The following SGTA variants were observed in gnomAD, a reference collection of about 807,000 sequenced individuals.
The protein encoded by SGTA is small glutamine-rich tetratricopeptide repeat-containing protein alpha.
In SGTA, 22 loss-of-function variants were observed where a neutral mutation model predicts 44.3. That is an observed-to-expected ratio of 0.50 (90% confidence interval 0.36 to 0.71). The LOEUF is 0.71. SGTA is among the 30% of genes least tolerant of loss of function. SGTA has a pLI of 0.00. For synonymous variants in SGTA, 174 were observed against 177.6 expected (o/e 0.98, Z 0.16); for missense variants, 341 against 435.9 (o/e 0.78, Z 1.94).
intron 9 of SGTA, among the ~76,000 whole-genome samples, chr19:2,758,688 G>A (rs1228187333): frequency 6.6e-6 from 1 of 152,210 alleles, no homozygotes; most frequent in African/African-American, 2.4e-5. Context: ...GCACACCCGT[G>A]CTCAAGCAGC....
chr19:2,779,555 A>C (rs1419479782), intron 1 of SGTA, among the ~76,000 whole-genome samples: 2 of 152,208 alleles, frequency 1.3e-5, no homozygotes, highest in Non-Finnish European at 2.9e-5. Flanking sequence ...ATCTCAAAGA[A>C]GGCCTGCTGT....
chr19:2,772,745 G>A (rs999110865), intron 1 of SGTA, among the ~76,000 whole-genome samples: 2 of 152,250 alleles, frequency 1.3e-5, no homozygotes, highest in Non-Finnish European at 2.9e-5. Flanking sequence ...GGAGAACACT[G>A]TGTGGATGTG....
Position 2,761,569 on chromosome 19 carries a change from A to T in SGTA, c.637-47T>A. The T allele has an allele frequency of 2.1e-6, 3 of 1,427,028 alleles. No individual in the cohort carries two copies. Among genetic ancestry groups the T allele is most frequent in the Non-Finnish European group, 2.9e-6 (3 of 1,034,006 alleles). 88.4% of individuals were successfully genotyped at this position (1,427,028 alleles called of 1,614,324 possible). A position where few individuals can be genotyped will look rare whatever the true frequency, so the allele number is the denominator to read the frequency against. On this transcript the variant is annotated intron_variant, in intron 7 of 11. Coordinates refer to ENST00000221566, the MANE Select transcript of SGTA (RefSeq NM_003021.4). The surrounding 1 kb of genome is among the most constrained non-coding windows in gnomAD (Gnocchi z 5.7). Reference sequence around the variant, plus strand: ...GTTAGTGGGGCCTGGACCAGAGGCCACGGTGAATAACCCCCTGGAACTCAG... The same window carrying T: ...GTTAGTGGGGCCTGGACCAGAGGCCTCGGTGAATAACCCCCTGGAACTCAG...
At chr19:2,783,001 G>A (rs1301739407) in intron 1 of SGTA, among the ~76,000 whole-genome samples, 1 of 152,202 alleles carries the variant, frequency 6.6e-6, no homozygotes, top group African/African-American at 2.4e-5. Flanking sequence ...CCACCAGGCC[G>A]CGGACCAGCA....
At position 2,767,377 on chromosome 19, in the gene SGTA, G is replaced by A. The variant is rs1356881053; in HGVS notation, c.208-157C>T. Among the ~76,000 whole-genome samples, 1 of 152,152 alleles carries A rather than the reference G, an allele frequency of 6.6e-6. No individual in the cohort carries two copies. The highest frequency in any genetic ancestry group is 1.5e-5 in the Non-Finnish European group (1 of 68,000). The stretch of plus-strand genomic sequence containing the variant: ...GGCCCCCCATCATGTGGCCCTGGGC[G>A]AGTGACCACAGCGCTATGTGTCTCA... On this transcript the variant is annotated intron_variant, in intron 3 of 11. Transcript: ENST00000221566. This position sits in a 1 kb window ranked among gnomAD's most constrained non-coding sequence, Gnocchi z 7.3.
chr19:2,775,729 TTTGGGGCG>T, intron 1 of SGTA, among the ~76,000 whole-genome samples: 1 of 152,084 alleles, frequency 6.6e-6, no homozygotes, highest in Admixed American at 6.5e-5. Flanking sequence ...CTTGCTCCCT[TTTGGGGCG>T]ATGAGACAGC....
chr19:2,778,422 C>T (rs2059556527), intron 1 of SGTA, among the ~76,000 whole-genome samples: 3 of 152,134 alleles, frequency 2.0e-5, no homozygotes, highest in Non-Finnish European at 4.4e-5. Context: ...CTGAGTCACA[C>T]TCCTCTCTTC....
In SGTA at chr19:2,755,421, G is replaced by C; in HGVS notation, c.*519C>G. 1 of 987,724 alleles carries C rather than the reference G, an allele frequency of 1.0e-6. No homozygotes were observed. The highest frequency in any genetic ancestry group is 4.7e-5 in the South Asian group (1 of 21,388). The allele number at this position is 987,724 out of a possible 1,614,324, so 61.2% of individuals were successfully genotyped here. Reference sequence around the variant, plus strand: ...CTCATGCAAACACACATGGCCCGCGGTGCCCAGGCCGCAGCTGGCAGTGAG... The same window carrying C: ...CTCATGCAAACACACATGGCCCGCGCTGCCCAGGCCGCAGCTGGCAGTGAG... On this transcript the variant is annotated 3_prime_UTR_variant, in exon 12 of 12. Coordinates refer to ENST00000221566, the MANE Select transcript of SGTA (RefSeq NM_003021.4). This position sits in a 1 kb window ranked among gnomAD's most constrained non-coding sequence, Gnocchi z 5.2.
intron 1 of SGTA, among the ~76,000 whole-genome samples, chr19:2,770,963 C>T (rs1429820823): frequency 4.6e-5 from 7 of 152,204 alleles, no homozygotes; most frequent in Non-Finnish European, 7.3e-5. Flanking sequence ...AGGCGGTTCC[C>T]GGATCGTGGC....
At chr19:2,772,837 G>A (rs1915347286) in intron 1 of SGTA, among the ~76,000 whole-genome samples, 2 of 126,728 alleles carry the variant, frequency 1.6e-5, no homozygotes, top group African/African-American at 3.8e-5. Flanking sequence ...CAGGGACACC[G>A]AGGGCAGAGG....
chr19:2,767,009 G>A lies in SGTA; in HGVS notation c.292+127C>T, dbSNP rs979086664. 4.8e-5 allele frequency: 35 copies of A among 736,736 alleles called. No individual in the cohort carries two copies. The East Asian group carries it at 5.5e-4, about 12-fold the overall frequency. 45.6% of individuals were successfully genotyped at this position (736,736 alleles called of 1,614,324 possible). ...TCCGTCCCCGTCCCCACAAGCCAGCGTGCTGGTCATCAGGGCAATTCCCTC... is the reference window on the plus strand; with the variant it reads ...TCCGTCCCCGTCCCCACAAGCCAGCATGCTGGTCATCAGGGCAATTCCCTC... On this transcript the variant is annotated intron_variant, in intron 4 of 11. Coordinates refer to ENST00000221566, the MANE Select transcript of SGTA (RefSeq NM_003021.4). This position sits in a 1 kb window ranked among gnomAD's most constrained non-coding sequence, Gnocchi z 7.3.
intron 5 of SGTA, among the ~76,000 whole-genome samples, chr19:2,764,527 A>G (rs1915084942): frequency 6.6e-6 from 1 of 152,026 alleles, no homozygotes; most frequent in Non-Finnish European, 1.5e-5. Context: ...CCTCCCAGGT[A>G]GCTGGGACTA....
At chr19:2,762,060 A>G (rs1915011144) in intron 7 of SGTA, among the ~76,000 whole-genome samples, 1 of 152,046 alleles carries the variant, frequency 6.6e-6, no homozygotes, top group Non-Finnish European at 1.5e-5. Flanking sequence ...TTGAAATACA[A>G]ACAAACTAAC....
intron 1 of SGTA, among the ~76,000 whole-genome samples, chr19:2,774,860 A>ATG (rs372876808): frequency 6.6e-6 from 1 of 151,952 alleles, no homozygotes; most frequent in Non-Finnish European, 1.5e-5. Flanking sequence ...GTGCGCGCGC[A>ATG]TGTGTGTGTG....
chr19:2,760,334 T>C (rs1914948513), intron 8 of SGTA, among the ~76,000 whole-genome samples: 1 of 151,698 alleles, frequency 6.6e-6, no homozygotes, highest in African/African-American at 2.4e-5. Context: ...CTGGCAAACA[T>C]GGTGAAACCC....
At chr19:2,760,281 G>A (rs919918111) in intron 8 of SGTA, among the ~76,000 whole-genome samples, 3 of 151,968 alleles carry the variant, frequency 2.0e-5, no homozygotes, top group Non-Finnish European at 4.4e-5. Flanking sequence ...CACTTTGGGG[G>A]GCCGAGGCGG....
chr19:2,761,531 G>A lies in SGTA; in HGVS notation c.637-9C>T, dbSNP rs148364397. On this transcript the variant is annotated splice_polypyrimidine_tract_variant and intron_variant, in intron 7 of 11. Transcript: ENST00000221566. The surrounding 1 kb of genome is among the most constrained non-coding windows in gnomAD (Gnocchi z 5.7). ...CTGCCCACGCCTCCCGTCTGAGGAT[G>A]AGAACAGCCCTGGTTAGTGGGGCCT... The A allele has an allele frequency of 5.7e-4, 888 of 1,551,174 alleles. 4 individuals carry two copies. In the African/African-American group the frequency reaches 0.011, roughly 19 times the overall value.
At position 2,773,923 on chromosome 19, in the gene SGTA, C is replaced by T. The variant is rs1414507683; in HGVS notation, c.-23-4832G>A. Among the ~76,000 whole-genome samples the T allele has an allele frequency of 1.9e-5, 2 of 106,914 alleles. 1 individual carries two copies. The highest frequency in any genetic ancestry group is 7.0e-4 in the East Asian group (2 of 2,850). The allele number at this position is 106,914 out of a possible 152,430, so 70.1% of individuals were successfully genotyped here. A position where few individuals can be genotyped will look rare whatever the true frequency, so the allele number is the denominator to read the frequency against. On this transcript the variant is annotated intron_variant, in intron 1 of 11. Transcript: ENST00000221566. ...ACTCCGAGGGCAGAGATGGGTGACGCGGCCACACGGCAGGGACTCCGAGGG... is the reference window on the plus strand; with the variant it reads ...ACTCCGAGGGCAGAGATGGGTGACGTGGCCACACGGCAGGGACTCCGAGGG...
chr19:2,761,593 A>G lies in SGTA; in HGVS notation c.637-71T>C. The G allele has an allele frequency of 7.8e-7, 1 of 1,285,850 alleles. No individual in the cohort carries two copies. The highest frequency in any genetic ancestry group is 1.1e-6 in the Non-Finnish European group (1 of 907,912). The allele number at this position is 1,285,850 out of a possible 1,614,324, so 79.7% of individuals were successfully genotyped here. ...CACGGTGAATAACCCCCTGGAACTC[A>G]GAAACAACGGCCCCCCACGGGGCTC... On this transcript the variant is annotated intron_variant, in intron 7 of 11. Transcript: ENST00000221566. The surrounding 1 kb of genome is among the most constrained non-coding windows in gnomAD (Gnocchi z 5.7).
Sources: gnomAD v4.1 joint callset for allele counts (sites outside exome capture counted in the v4.1 genomes callset) on GRCh38, gnomAD v4.1.1 for gene constraint, Gnocchi (gnomAD v3.1) non-coding constraint, MANE v1.5 for transcripts, NCBI Gene and HGNC (gene_info 2026-07-23, HGNC 2026-07-21) for gene names.